Variants in SPATA22 observed in about 807,000 individuals in gnomAD.
SPATA22 encodes spermatogenesis associated 22.
In SPATA22, 29 loss-of-function variants were observed where a neutral mutation model predicts 47.8. The ratio of observed to expected loss-of-function variants is 0.61; its 90% CI spans 0.45 to 0.83. SPATA22 has a LOEUF of 0.83. Ranked by LOEUF, SPATA22 falls within the 40% of genes least tolerant of loss-of-function variation. SPATA22 has a pLI of 0.00. For missense variants in SPATA22, 410 were observed against 421.7 expected (o/e 0.97, Z 0.24); for synonymous variants, 133 against 140.9 (o/e 0.94, Z 0.40).
chr17:3,492,219 G>A lies in SPATA22; in HGVS notation c.-74+21193C>T, dbSNP rs189731629. Among the ~76,000 whole-genome samples the A allele has an allele frequency of 2.9e-3, 441 of 152,280 alleles. 5 individuals carry two copies. The highest frequency in any genetic ancestry group is 0.01 in the African/African-American group (422 of 41,552). ...TAAAAAAGCTGAGCAGCAATGAAAC[G>A]GGCCACACTTTTTGAGGCTGTAAGA... On this transcript the variant is annotated intron_variant, in intron 1 of 8. Coordinates refer to the SPATA22 transcript ENST00000541913.
intron 1 of SPATA22, among the ~76,000 whole-genome samples, chr17:3,495,818 C>T (rs544858592): frequency 7.2e-5 from 11 of 152,288 alleles, no homozygotes; most frequent in East Asian, 1.9e-4. Context: ...CCACCTGCCT[C>T]GGCCTCCCAA....
chr17:3,483,697 C>G, intron 1 of SPATA22: 1 of 1,145,298 alleles, frequency 8.7e-7, no homozygotes, highest in Non-Finnish European at 1.3e-6. Flanking sequence ...GAGTCTTGCT[C>G]TGTCACCCAG....
At chr17:3,486,743 T>C (rs1027557052) in intron 1 of SPATA22, among the ~76,000 whole-genome samples, 4 of 152,226 alleles carry the variant, frequency 2.6e-5, no homozygotes, top group African/African-American at 7.2e-5. Context: ...GCAAACAATA[T>C]AAATAAATTA....
intron 1 of SPATA22, among the ~76,000 whole-genome samples, chr17:3,477,410 G>T (rs1327407021): frequency 6.6e-6 from 1 of 152,164 alleles, no homozygotes; most frequent in Non-Finnish European, 1.5e-5. Context: ...AGCTACCACT[G>T]TGGATATAAT....
exon 1 of SPATA22, chr17:3,513,831 A>G: frequency 2.5e-6 from 3 of 1,189,440 alleles, no homozygotes; most frequent in Non-Finnish European, 3.7e-6. Context: ...GGACTCCACC[A>G]TCCCTCAAAG....
chr17:3,502,130 AG>A (rs1455144079), intron 1 of SPATA22: 16 of 152,278 alleles, frequency 1.1e-4, no homozygotes, highest in Non-Finnish European at 1.5e-5. Flanking sequence ...CACCCTGATC[AG>A]GCAGCCATCA....
intron 1 of SPATA22, among the ~76,000 whole-genome samples, chr17:3,492,052 G>T (rs2073835477): frequency 6.6e-6 from 1 of 151,840 alleles, no homozygotes; most frequent in Non-Finnish European, 1.5e-5. Flanking sequence ...AATTTCTGTG[G>T]TTTTTGTAGA....
chr17:3,455,411 GGGTTTTTATGGTTTTA>G (rs1399950187), intron 5 of SPATA22, among the ~76,000 whole-genome samples: 20 of 150,602 alleles, frequency 1.3e-4, no homozygotes, highest in Non-Finnish European at 2.5e-4. Flanking sequence ...TTTTCTTCTA[GGGTTTTTATGGTTTTA>G]GGTCTAATGT....
Position 3,488,716 on chromosome 17 carries a change from T to G in SPATA22, c.-73-19318A>C, listed in dbSNP as rs1012017559. Among the ~76,000 whole-genome samples, 4 of 152,134 alleles carry G rather than the reference T, an allele frequency of 2.6e-5. No homozygotes were observed. The highest frequency in any genetic ancestry group is 7.2e-5 in the African/African-American group (3 of 41,420). ...ATTGTGTTAGGATGGATTGCTAGGT[T>G]AAGGGCAAAATCATTGCTCAAGGGT... On this transcript the variant is annotated intron_variant, in intron 1 of 8. Transcript: ENST00000541913. The surrounding 1 kb of genome is among the most constrained non-coding windows in gnomAD (Gnocchi z 6.1).
chr17:3,478,622 T>C (rs1019185222), intron 1 of SPATA22, among the ~76,000 whole-genome samples: 5 of 152,234 alleles, frequency 3.3e-5, no homozygotes, highest in Admixed American at 3.3e-4. Context: ...GAGCACCCAG[T>C]AGTATGCATT....
intron 7 of SPATA22, among the ~76,000 whole-genome samples, chr17:3,445,787 A>G (rs925221615): frequency 1.3e-5 from 2 of 152,090 alleles, no homozygotes; most frequent in Non-Finnish European, 2.9e-5. Flanking sequence ...CTACATCTAT[A>G]TATACACACA....
chr17:3,474,237 G>A (rs1269070496), upstream of SPATA22: 5 of 152,198 alleles, frequency 3.3e-5, no homozygotes. Flanking sequence ...ATTTTGACAT[G>A]TAAGAGAAAC....
chr17:3,495,725 C>T (rs2073898067), intron 1 of SPATA22, among the ~76,000 whole-genome samples: 2 of 152,126 alleles, frequency 1.3e-5, no homozygotes, highest in South Asian at 2.1e-4. Context: ...CACGTCACCA[C>T]ACCCGGCTAA....
At chr17:3,440,790 C>A (rs2072581593) in intron 8 of SPATA22, 2 of 152,818 alleles carry the variant, frequency 1.3e-5, no homozygotes, top group African/African-American at 4.8e-5. Flanking sequence ...GACCCCCTCA[C>A]ACCCCATCTA....
intron 1 of SPATA22, chr17:3,512,437 G>A (rs532641516): frequency 2.6e-5 from 4 of 152,206 alleles, no homozygotes; most frequent in African/African-American, 9.6e-5. Context: ...CTGGCCCAGA[G>A]TGCACTGCTA....
At chr17:3,449,542 T>G (rs2072809510) in intron 5 of SPATA22, among the ~76,000 whole-genome samples, 1 of 152,234 alleles carries the variant, frequency 6.6e-6, no homozygotes, top group Non-Finnish European at 1.5e-5. Context: ...ATATATTCAA[T>G]TTTAAAATTT....
chr17:3,466,596 C>T (rs2150731212), intron 3 of SPATA22, among the ~76,000 whole-genome samples: 1 of 152,326 alleles, frequency 6.6e-6, no homozygotes, highest in African/African-American at 2.4e-5. Flanking sequence ...GCTCATGTGC[C>T]AGTTGAAGCT....
chr17:3,502,861 G>C (rs374511844), intron 1 of SPATA22: 40 of 152,394 alleles, frequency 2.6e-4, no homozygotes, highest in Admixed American at 7.8e-4. Context: ...GTGTGAGGAG[G>C]TCTTTGGGCT....
At chr17:3,455,083 C>G (rs1479270886) in intron 5 of SPATA22, among the ~76,000 whole-genome samples, 1 of 152,070 alleles carries the variant, frequency 6.6e-6, no homozygotes, top group Non-Finnish European at 1.5e-5. Flanking sequence ...TGTCTTTTGG[C>G]TGCATAAATG....
Sources: allele counts gnomAD v4.1 joint callset (sites outside exome capture counted in the v4.1 genomes callset), GRCh38; gene constraint gnomAD v4.1.1; non-coding constraint Gnocchi (gnomAD v3.1); transcripts MANE v1.5; gene names NCBI Gene and HGNC (gene_info 2026-07-23, HGNC 2026-07-21).